UBA6: variants seen among roughly 807,000 people sequenced by gnomAD.
The protein encoded by UBA6 is ubiquitin-like modifier-activating enzyme 6.
Under a neutral mutation model 148.3 loss-of-function variants are expected in UBA6, and 87 were observed. The ratio of observed to expected loss-of-function variants is 0.59; its 90% CI spans 0.49 to 0.70. UBA6 has a LOEUF of 0.70. UBA6 is among the 30% of genes least tolerant of loss of function. UBA6 has a pLI of 0.00. For missense variants in UBA6, 1,186 were observed against 1,241.2 expected (o/e 0.96, Z 0.67); for synonymous variants, 376 against 401.0 (o/e 0.94, Z 0.75).
At chr4:67,690,235 C>T (rs368150081) in intron 2 of UBA6, among the ~76,000 whole-genome samples, 5 of 152,018 alleles carry the variant, frequency 3.3e-5, no homozygotes, top group African/African-American at 1.2e-4. Flanking sequence ...ATAAATGGTG[C>T]TGGGAAAACT....
At chr4:67,633,093 T>C (rs1729038620) in intron 23 of UBA6, among the ~76,000 whole-genome samples, 1 of 152,180 alleles carries the variant, frequency 6.6e-6, no homozygotes, top group South Asian at 2.1e-4. Context: ...AATGTGATTA[T>C]CAGATATGGG....
chr4:67,648,194 C>A (rs185472600), intron 14 of UBA6, among the ~76,000 whole-genome samples: 1 of 151,424 alleles, frequency 6.6e-6, no homozygotes, highest in African/African-American at 2.4e-5. Flanking sequence ...ATGAGCCGGG[C>A]GCAGTGGCTC....
chr4:67,642,621 T>G (rs1487323287), intron 17 of UBA6, among the ~76,000 whole-genome samples: 1 of 152,078 alleles, frequency 6.6e-6, no homozygotes, highest in African/African-American at 2.4e-5. Flanking sequence ...TTGAACTGAG[T>G]ATAGGTTAAT....
intron 9 of UBA6, among the ~76,000 whole-genome samples, chr4:67,667,397 T>TA (rs1730031563): frequency 1.3e-5 from 2 of 152,282 alleles, no homozygotes; most frequent in South Asian, 4.1e-4. Flanking sequence ...AATAATTAGA[T>TA]GTAGCTGGCA....
intron 3 of UBA6, 102 bp from the exon 4 acceptor site, chr4:67,681,693 CT>C: frequency 2.7e-6 from 2 of 733,984 alleles, no homozygotes; most frequent in Non-Finnish European, 4.4e-6. Context: ...CTTTTAACTT[CT>C]TTTTTTACTA....
At chr4:67,681,653 A>T in intron 3 of UBA6, 62 bp from the exon 4 acceptor site, 1 of 1,165,626 alleles carries the variant, frequency 8.6e-7, no homozygotes, top group Non-Finnish European at 1.2e-6. Flanking sequence ...ATATGTCTTC[A>T]CAGAGCTTAG....
chr4:67,679,392 T>C (rs76860136), intron 4 of UBA6, among the ~76,000 whole-genome samples: 2,767 of 152,208 alleles, frequency 0.018, 49 homozygotes, highest in East Asian at 0.059. Context: ...TCTCACATAA[T>C]AGTAAAACTA....
At position 67,624,221 on chromosome 4, in the gene UBA6, G is replaced by C. The variant is rs1461908932; in HGVS notation, c.2745C>G (p.Gly915=). ...AATTTTTGTAAGCTTCAAATGGATA[G>C]CCACCAGTTACTTTGATCATCTCCA... The part of the protein sequence containing the change: ...VALEMIKVTG[G]YPFEAYKNCF... Residue 915 remains glycine, a synonymous_variant, in exon 30 of 33, where the codon GGC becomes GGG. Coordinates refer to ENST00000322244, the MANE Select transcript of UBA6 (RefSeq NM_018227.6). 6.2e-7 allele frequency: 1 copy of C among 1,609,756 alleles called. No homozygotes were observed. The highest frequency in any genetic ancestry group is 8.5e-7 in the Non-Finnish European group (1 of 1,178,100).
At chr4:67,647,132 T>C (rs1404583077) in intron 14 of UBA6, among the ~76,000 whole-genome samples, 1 of 152,132 alleles carries the variant, frequency 6.6e-6, no homozygotes, top group African/African-American at 2.4e-5. Flanking sequence ...CCATTCAATT[T>C]CAGCTACATT....
At chr4:67,649,328 C>A in intron 13 of UBA6, 117 bp from the exon 14 acceptor site, 1 of 985,426 alleles carries the variant, frequency 1.0e-6, no homozygotes, top group South Asian at 2.1e-5. Context: ...ATTCAGTTCC[C>A]CTACTAAATA....
At chr4:67,666,907 A>G (rs1307837363) in intron 9 of UBA6, among the ~76,000 whole-genome samples, 7 of 152,170 alleles carry the variant, frequency 4.6e-5, no homozygotes, top group African/African-American at 2.4e-5. Flanking sequence ...CGAAAAAACA[A>G]AAAAACAAAA....
intron 2 of UBA6, among the ~76,000 whole-genome samples, chr4:67,687,058 C>T (rs1369983678): frequency 5.3e-5 from 5 of 94,524 alleles, no homozygotes; most frequent in African/African-American, 1.7e-4. Context: ...TTTTTTGAGA[C>T]AGAGTCTCAC....
intron 13 of UBA6, among the ~76,000 whole-genome samples, chr4:67,660,779 A>G (rs766743050): frequency 1.3e-5 from 2 of 152,206 alleles, no homozygotes; most frequent in Non-Finnish European, 2.9e-5. Flanking sequence ...AGCTTGGACC[A>G]TGAATCCGGA....
intron 2 of UBA6, among the ~76,000 whole-genome samples, chr4:67,694,643 C>T (rs573540874): frequency 2.0e-5 from 3 of 152,018 alleles, no homozygotes; most frequent in Non-Finnish European, 4.4e-5. Context: ...GTGATCCACC[C>T]GCCTCGGCCT....
In UBA6 at chr4:67,631,055, G is replaced by A. The variant is rs928269489; in HGVS notation, c.2259-520C>T. On this transcript the variant is annotated intron_variant, in intron 25 of 32. Transcript: ENST00000322244. ...AGGAAGGTTAGTGAATGCAAGCTAA[G>A]TGTTTAAAAATATATATACATAAGG... Among the ~76,000 whole-genome samples, 9 of 152,232 alleles carry A rather than the reference G, an allele frequency of 5.9e-5. No individual in the cohort carries two copies. The South Asian group carries it at 1.0e-3, about 18-fold the overall frequency.
At chr4:67,631,633 G>A (rs982897601) in intron 25 of UBA6, 75 bp downstream of exon 25, 4 of 1,096,784 alleles carry the variant, frequency 3.6e-6, no homozygotes, top group African/African-American at 3.2e-5. Context: ...TTTTCACTCT[G>A]CAATGTACAG....
intron 2 of UBA6, among the ~76,000 whole-genome samples, chr4:67,694,871 T>C (rs1730795175): frequency 6.6e-6 from 1 of 152,208 alleles, no homozygotes; most frequent in Admixed American, 6.5e-5. Context: ...CAACTAGATG[T>C]TTGCAATAAG....
chr4:67,646,853 C>T (rs1386202623), intron 14 of UBA6, 62 bp from the exon 15 acceptor site: 1 of 1,055,908 alleles, frequency 9.5e-7, no homozygotes, highest in African/African-American at 1.7e-5. Flanking sequence ...TAAAAAGAAG[C>T]TCCTTTATAG....
chr4:67,623,300 C>T (rs776371622), intron 30 of UBA6, 78 bp from the exon 31 acceptor site: 11 of 1,017,768 alleles, frequency 1.1e-5, no homozygotes, highest in African/African-American at 1.6e-5. Flanking sequence ...AAAAAAAACC[C>T]ACTTTCAGAA....
Sources: allele counts gnomAD v4.1 joint callset (sites outside exome capture counted in the v4.1 genomes callset), GRCh38; gene constraint gnomAD v4.1.1; transcripts MANE v1.5; gene names NCBI Gene and HGNC (gene_info 2026-07-23, HGNC 2026-07-21).